SHLD2: variants seen among roughly 807,000 people sequenced by gnomAD.
SHLD2 encodes the protein RINN1-REV7-interacting novel NHEJ regulator 2.
SHLD2 carries 30 observed loss-of-function variants against 73.2 expected under a neutral mutation model. The ratio of observed to expected loss-of-function variants is 0.41; its 90% CI spans 0.31 to 0.56. The LOEUF (loss-of-function observed/expected upper bound fraction) is 0.56. Ranked by LOEUF, SHLD2 falls within the 20% of genes least tolerant of loss-of-function variation. The pLI is 0.28. For synonymous variants in SHLD2, 285 were observed against 370.1 expected, an observed-to-expected ratio of 0.77 and a Z score of 2.64; for missense variants, 745 against 1,055.9, an observed-to-expected ratio of 0.71 and a Z score of 4.08.
intron 1 of SHLD2, among the ~76,000 whole-genome samples, chr10:87,095,547 G>T (rs1395625824): frequency 6.6e-6 from 1 of 152,228 alleles, no homozygotes; most frequent in Non-Finnish European, 1.5e-5. Context: ...GCCGCGTAAG[G>T]CCGGGCTGAG....
At chr10:87,138,759 C>T (rs1844981007) in intron 2 of SHLD2, among the ~76,000 whole-genome samples, 1 of 152,220 alleles carries the variant, frequency 6.6e-6, no homozygotes, top group Non-Finnish European at 1.5e-5. Flanking sequence ...CATTCTCCTA[C>T]AGTAAACAGC....
intron 8 of SHLD2, among the ~76,000 whole-genome samples, chr10:87,181,149 G>A (rs1848283016): frequency 3.3e-5 from 5 of 151,778 alleles, no homozygotes; most frequent in Admixed American, 3.3e-4. Flanking sequence ...GGGAGGCCGG[G>A]GTGGGGGGAT....
intron 2 of SHLD2, among the ~76,000 whole-genome samples, chr10:87,125,508 G>T (rs1025770458): frequency 6.6e-6 from 1 of 152,254 alleles, no homozygotes; most frequent in African/African-American, 2.4e-5. Flanking sequence ...GGCCAAGGCG[G>T]CAGATCACCT....
intron 8 of SHLD2, among the ~76,000 whole-genome samples, chr10:87,185,420 G>A (rs1421904013): frequency 6.6e-6 from 1 of 151,984 alleles, no homozygotes; most frequent in Admixed American, 6.6e-5. Flanking sequence ...ATTTCTCTTG[G>A]GTATATATTT....
At chr10:87,135,284 G>C (rs1163923558) in intron 2 of SHLD2, among the ~76,000 whole-genome samples, 2 of 151,810 alleles carry the variant, frequency 1.3e-5, no homozygotes, top group South Asian at 4.2e-4. Context: ...ATCCCATTTA[G>C]CTGTCACATC....
intron 3 of SHLD2, among the ~76,000 whole-genome samples, chr10:87,156,728 C>T (rs968559908): frequency 1.3e-5 from 2 of 152,124 alleles, no homozygotes; most frequent in Non-Finnish European, 2.9e-5. Context: ...TGAAATTTCT[C>T]GTCTGTTCCT....
intron 2 of SHLD2, among the ~76,000 whole-genome samples, chr10:87,102,330 T>C (rs1002621330): frequency 2.0e-5 from 3 of 152,158 alleles, no homozygotes; most frequent in Non-Finnish European, 4.4e-5. Flanking sequence ...TTTTCTTTTT[T>C]TTTACTCCTG....
At chr10:87,166,637 C>T (rs1847222044) in intron 4 of SHLD2, among the ~76,000 whole-genome samples, 1 of 152,204 alleles carries the variant, frequency 6.6e-6, no homozygotes, top group African/African-American at 2.4e-5. Flanking sequence ...AATGCCAGCA[C>T]TTTGGGAGGC....
At chr10:87,189,002 CT>C (rs10708013) in intron 9 of SHLD2, among the ~76,000 whole-genome samples, 74,759 of 113,728 alleles carry the variant, frequency 0.66, 23,324 homozygotes, top group African/African-American at 0.82. Flanking sequence ...GTAATCTCTT[CT>C]TTTTTTTTTT....
In SHLD2 at chr10:87,190,661, A is replaced by G. The variant is rs200709640; in HGVS notation, c.2693A>G (p.His898Arg). The G allele has an allele frequency of 1.0e-4, 169 of 1,611,852 alleles. 1 individual carries two copies. Among genetic ancestry groups the G allele is most frequent in the South Asian group, 1.1e-5 (1 of 90,996 alleles). The change falls in exon 10 of 10, where the codon CAT becomes CGT. Residue 898 changes from histidine (H) to arginine (R), a missense_variant. His to Arg is a conservative substitution (Grantham distance 29). Coordinates refer to ENST00000298786, the MANE Select transcript of SHLD2 (RefSeq NM_001330112.2). Reference protein sequence around the residue: ...LLDFYPDIVKHGANARL With the variant: ...LLDFYPDIVKRGANARL Reference sequence around the variant, plus strand: ...GATTTTTATCCTGACATTGTAAAGCATGGAGCCAATGCCCGTCTCTGAGGC... The same window carrying G: ...GATTTTTATCCTGACATTGTAAAGCGTGGAGCCAATGCCCGTCTCTGAGGC...
At chr10:87,108,785 G>GT (rs1842757576) in intron 2 of SHLD2, among the ~76,000 whole-genome samples, 1 of 152,168 alleles carries the variant, frequency 6.6e-6, no homozygotes, top group African/African-American at 2.4e-5. Flanking sequence ...TAAATGTTCA[G>GT]TTTCCTCACA....
chr10:87,115,877 A>G (rs1843224190), intron 2 of SHLD2, among the ~76,000 whole-genome samples: 1 of 152,156 alleles, frequency 6.6e-6, no homozygotes, highest in Non-Finnish European at 1.5e-5. Flanking sequence ...GAGTGATCTG[A>G]GAGGTGGAAG....
chr10:87,134,503 A>G (rs560287568), intron 2 of SHLD2, among the ~76,000 whole-genome samples: 2 of 152,294 alleles, frequency 1.3e-5, no homozygotes, highest in Non-Finnish European at 2.9e-5. Flanking sequence ...CTCTAGCACC[A>G]AAGAGCAAGT....
At chr10:87,127,889 G>C (rs1001357271) in intron 2 of SHLD2, among the ~76,000 whole-genome samples, 4 of 151,996 alleles carry the variant, frequency 2.6e-5, no homozygotes, top group Non-Finnish European at 5.9e-5. Context: ...CATTTGGCTG[G>C]AGTTATGATG....
chr10:87,178,616 T>A (rs1468679788), intron 7 of SHLD2, among the ~76,000 whole-genome samples: 1 of 151,464 alleles, frequency 6.6e-6, no homozygotes, highest in Admixed American at 6.6e-5. Flanking sequence ...CTCAGGAAGC[T>A]GAGGTGGGAG....
intron 4 of SHLD2, among the ~76,000 whole-genome samples, chr10:87,168,651 A>G (rs1248239345): frequency 6.6e-6 from 1 of 152,000 alleles, no homozygotes; most frequent in Non-Finnish European, 1.5e-5. Context: ...ATGCAGTTGG[A>G]GGCAATTATC....
intron 2 of SHLD2, among the ~76,000 whole-genome samples, chr10:87,144,056 G>T (rs1380473850): frequency 2.0e-5 from 3 of 151,898 alleles, no homozygotes; most frequent in Non-Finnish European, 4.4e-5. Context: ...TAGAGACGGG[G>T]GTTTCGTCGT....
intron 2 of SHLD2, among the ~76,000 whole-genome samples, chr10:87,137,216 A>G (rs1844859112): frequency 6.6e-6 from 1 of 152,206 alleles, no homozygotes; most frequent in South Asian, 2.1e-4. Context: ...AATTATGAAA[A>G]AAATGCTGGA....
chr10:87,186,701 A>T (rs1848641989), intron 8 of SHLD2, among the ~76,000 whole-genome samples: 1 of 152,344 alleles, frequency 6.6e-6, no homozygotes, highest in African/African-American at 2.4e-5. Flanking sequence ...GTTTATTGAT[A>T]TGCAAAACAG....
Sources: gnomAD v4.1 joint callset for allele counts (sites outside exome capture counted in the v4.1 genomes callset) on GRCh38, gnomAD v4.1.1 for gene constraint, MANE v1.5 for transcripts, NCBI Gene and HGNC (gene_info 2026-07-23, HGNC 2026-07-21) for gene names.